Variants in NASP observed in about 807,000 individuals in gnomAD.
The protein encoded by NASP is nuclear autoantigenic sperm protein.
NASP carries 24 observed loss-of-function variants against 89.5 expected under a neutral mutation model. The ratio of observed to expected loss-of-function variants is 0.27; its 90% confidence interval spans 0.19 to 0.38. The LOEUF (loss-of-function observed/expected upper bound fraction) is 0.38. Ranked by LOEUF, NASP falls within the 10% of genes least tolerant of loss-of-function variation. NASP has a pLI of 1.00. For synonymous variants in NASP, 306 were observed against 324.7 expected, an observed-to-expected ratio of 0.94 and a Z score of 0.62; for missense variants, 848 against 921.4, an observed-to-expected ratio of 0.92 and a Z score of 1.03.
intron 2 of NASP, among the ~76,000 whole-genome samples, chr1:45,593,831 C>T (rs1570958398): frequency 6.7e-6 from 1 of 148,650 alleles, no homozygotes; most frequent in Non-Finnish European, 1.5e-5. Context: ...CCAGCCTGGG[C>T]AACATAGCAA....
intron 6 of NASP, 190 bp downstream of exon 6, chr1:45,608,527 T>C (rs1332651326): frequency 1.6e-6 from 1 of 619,588 alleles, no homozygotes; most frequent in Non-Finnish European, 2.8e-6. Flanking sequence ...GCAGCAAGTC[T>C]TCTTTAGCTG....
At chr1:45,610,331 C>A (rs1643985422) in intron 6 of NASP, 1 of 152,080 alleles carries the variant, frequency 6.6e-6, no homozygotes, top group African/African-American at 2.4e-5. Context: ...ATACAGTTTT[C>A]CATATTTTAC....
intron 1 of NASP, 115 bp downstream of exon 1, chr1:45,584,320 C>T: frequency 1.1e-6 from 1 of 916,360 alleles, no homozygotes; most frequent in Non-Finnish European, 1.6e-6. Flanking sequence ...TTCCCAAGAG[C>T]AGCTGTCGCT....
chr1:45,586,289 GTGTGTGTGTGT>G, intron 1 of NASP, among the ~76,000 whole-genome samples: 1 of 99,658 alleles, frequency 1.0e-5, no homozygotes, highest in Non-Finnish European at 1.9e-5. Context: ...TGTGTGGTGT[GTGTGTGTGTGT>G]GTGTGTGTGG....
chr1:45,615,696 G>C (rs552557654), intron 11 of NASP: 77 of 486,184 alleles, frequency 1.6e-4, no homozygotes, highest in South Asian at 5.9e-4. Flanking sequence ...CTCTCCCTCA[G>C]TTGACCGATT....
chr1:45,599,448 G>T (rs1643780992), intron 2 of NASP, among the ~76,000 whole-genome samples: 1 of 150,104 alleles, frequency 6.7e-6, no homozygotes, highest in Non-Finnish European at 1.5e-5. Flanking sequence ...CTTTTTTTGA[G>T]ATGGAGTCTC....
Position 45,616,655 on chromosome 1 carries a change from T to G in NASP, c.2109T>G (p.Ala703=), listed in dbSNP as rs2148375972. 6.2e-7 allele frequency: 1 copy of G among 1,614,188 alleles called. No individual in the cohort carries two copies. Among genetic ancestry groups the G allele is most frequent in the East Asian group, 2.2e-5 (1 of 44,894 alleles). The change falls in exon 13 of 15, where the codon GCT becomes GCG. Residue 703 remains alanine, a synonymous_variant. Coordinates refer to ENST00000350030, the MANE Select transcript of NASP (RefSeq NM_002482.4). The stretch of plus-strand genomic sequence containing the variant: ...CCAGTAGAAAGCCAACAGACGGTGC[T>G]TCCTCATCAAATTGTGTGACTGATA... The part of the protein sequence containing the change: ...MIASRKPTDG[A]SSSNCVTDIS...
intron 14 of NASP, 128 bp from the exon 15 acceptor site, chr1:45,617,933 T>C: frequency 1.3e-6 from 1 of 775,662 alleles, no homozygotes; most frequent in Non-Finnish European, 2.1e-6. Context: ...GTCACTGCCC[T>C]CTTAATATAG....
chr1:45,586,287 G>T (rs1200685509), intron 1 of NASP, among the ~76,000 whole-genome samples: 1 of 76,616 alleles, frequency 1.3e-5, no homozygotes, highest in East Asian at 3.1e-4. Context: ...TGTGTGTGGT[G>T]TGTGTGTGTG....
intron 2 of NASP, among the ~76,000 whole-genome samples, chr1:45,592,027 G>A (rs889378656): frequency 1.3e-5 from 2 of 152,102 alleles, no homozygotes; most frequent in South Asian, 2.1e-4. Context: ...CACTCTTGTC[G>A]CCCAGGCTGG....
At chr1:45,606,361 T>G (rs368074844) in intron 4 of NASP, 121 bp from the exon 5 acceptor site, 2 of 637,990 alleles carry the variant, frequency 3.1e-6, no homozygotes, top group Non-Finnish European at 5.6e-6. Flanking sequence ...TACATAGTTT[T>G]GTATTGCCTG....
In NASP at chr1:45,616,707, A is replaced by G; in HGVS notation, c.2157+4A>G. On this transcript the variant is annotated splice_donor_region_variant and intron_variant, in intron 13 of 14. Transcript: ENST00000350030. The stretch of plus-strand genomic sequence containing the variant: ...TTCCCACCTTGTCAGAAAGAAGGTA[A>G]GTCTACATGTGGTGTTTCTTTTCTA... 1 of 1,610,238 alleles carries G rather than the reference A, an allele frequency of 6.2e-7. No homozygotes were observed. The highest frequency in any genetic ancestry group is 8.5e-7 in the Non-Finnish European group (1 of 1,176,380).
intron 9 of NASP, 41 bp from the exon 10 acceptor site, chr1:45,614,971 GA>G (rs1238759680): frequency 6.5e-7 from 1 of 1,546,508 alleles, no homozygotes. Context: ...ATTTTATGTT[GA>G]ATGCTGTCCA....
Position 45,608,352 on chromosome 1 carries a change from C to T in NASP, c.1426+15C>T, listed in dbSNP as rs756093092. The T allele has an allele frequency of 5.0e-6, 8 of 1,587,878 alleles. No individual in the cohort carries two copies. The highest frequency in any genetic ancestry group is 1.7e-4 in the Middle Eastern group (1 of 6,052). ...AGAGGGTGAAGGTAACCGGGATATG[C>T]AAGAGCTGCAGTGGGTGGAGTACAT... On this transcript the variant is annotated intron_variant, in intron 6 of 14. Coordinates refer to ENST00000350030, the MANE Select transcript of NASP (RefSeq NM_002482.4).
rs533848676 is a variant in NASP, at chr1:45,602,392, G to T, written c.218+27G>T. The stretch of plus-strand genomic sequence containing the variant: ...TAAGTATTGTATATTTTGCTATGAT[G>T]TAATATTATGTTCTAATAAACCTTG... On this transcript the variant is annotated intron_variant, in intron 3 of 14. Transcript: ENST00000350030. The T allele has an allele frequency of 7.5e-6, 12 of 1,593,472 alleles. No individual in the cohort carries two copies. The South Asian group carries it at 1.3e-4, about 18-fold the overall frequency.
At chr1:45,617,170 C>T in intron 13 of NASP, 1 of 344,850 alleles carries the variant, frequency 2.9e-6, no homozygotes, top group Non-Finnish European at 5.3e-6. Context: ...TGTTCTGTTT[C>T]CTGACTCAAA....
intron 4 of NASP, 42 bp downstream of exon 4, chr1:45,605,058 AT>A: frequency 2.1e-6 from 3 of 1,430,382 alleles, no homozygotes; most frequent in Non-Finnish European, 3.0e-6. Flanking sequence ...CCTTGTTAAG[AT>A]TGTTTACTAG....
At position 45,618,873 on chromosome 1, in the gene NASP, CAAAT is replaced by C. The variant is rs375831985; in HGVS notation, c.*736_*739del. 3.3e-4 allele frequency: 50 copies of C among 152,228 alleles called. 1 individual carries two copies. The highest frequency in any genetic ancestry group is 2.4e-3 in the Admixed American group (37 of 15,282). 9.4% of individuals were successfully genotyped at this position (152,228 alleles called of 1,614,324 possible). A position where few individuals can be genotyped will look rare whatever the true frequency, so the allele number is the denominator to read the frequency against. ...TTACCCATCTGCAGAATTGACTTCT[CAAAT>C]AAAGATGCTAAAAATCTCCTTGTCT... On this transcript the variant is annotated 3_prime_UTR_variant, in exon 15 of 15. Coordinates refer to ENST00000350030, the MANE Select transcript of NASP (RefSeq NM_002482.4).
chr1:45,606,235 T>G (rs1643906847), intron 4 of NASP, among the ~76,000 whole-genome samples: 1 of 152,240 alleles, frequency 6.6e-6, no homozygotes, highest in East Asian at 1.9e-4. Flanking sequence ...GGTCTTGTTC[T>G]TTTGACAAGA....
Sources: allele counts gnomAD v4.1 joint callset (sites outside exome capture counted in the v4.1 genomes callset), GRCh38; gene constraint gnomAD v4.1.1; transcripts MANE v1.5; gene names NCBI Gene and HGNC (gene_info 2026-07-23, HGNC 2026-07-21).